Variants in ANKRD11 observed in about 807,000 individuals in gnomAD.
The protein encoded by ANKRD11 is ankyrin repeat domain-containing protein 11.
A neutral mutation model predicts 195.7 loss-of-function variants in ANKRD11; 17 were observed. The ratio of observed to expected loss-of-function variants is 0.09; its 90% CI spans 0.06 to 0.13. The LOEUF (loss-of-function observed/expected upper bound fraction) is 0.13, where lower values mean the gene tolerates loss of function less well. Among genes scored for constraint, ANKRD11 ranks in the 10% least tolerant of loss-of-function variants. ANKRD11 has a pLI of 1.00. For synonymous variants in ANKRD11, 1,953 were observed against 1,528.1 expected, an observed-to-expected ratio of 1.28 and a Z score of -6.49; for missense variants, 3,735 against 3,566.1, an observed-to-expected ratio of 1.05 and a Z score of -1.21.
At chr16:89,426,448 G>A (rs1445634983) in intron 1 of ANKRD11, among the ~76,000 whole-genome samples, 2 of 151,584 alleles carry the variant, frequency 1.3e-5, no homozygotes, top group Non-Finnish European at 2.9e-5. Context: ...AGCTCCCTGA[G>A]CAACAAACAC....
At position 89,332,133 on chromosome 16, in the gene ANKRD11, A is replaced by G. The variant is rs148644739; in HGVS notation, c.-59-15055T>C. On this transcript the variant is annotated intron_variant, in intron 2 of 12. Transcript: ENST00000301030. Reference sequence around the variant, plus strand: ...CAAGATTCCATCTCCATATTAAAAAAAAAAGATAATAATCTTAAAAGACAC... The same window carrying G: ...CAAGATTCCATCTCCATATTAAAAAGAAAAGATAATAATCTTAAAAGACAC... 7.7e-3 allele frequency among the ~76,000 whole-genome samples: 1,174 copies of G among 152,336 alleles called. 63 individuals carry two copies. The highest frequency in any genetic ancestry group is 0.069 in the Admixed American group (1,051 of 15,302).
Position 89,280,232 on chromosome 16 carries a change from C to T in ANKRD11, c.6310G>A (p.Asp2104Asn). 6.2e-7 allele frequency: 1 copy of T among 1,608,336 alleles called. No homozygotes were observed. The highest frequency in any genetic ancestry group is 8.5e-7 in the Non-Finnish European group (1 of 1,179,446). ...AGGTGAGACAGGCCGCGGCTGCCGT[C>T]CAGGAAGCTATTTTCCAGGGGCCCC... ...ALGPLENSFLDGSRGLSHLGQ... is the reference protein window; with the variant it reads ...ALGPLENSFLNGSRGLSHLGQ... The change falls in exon 9 of 13, where the codon GAC (aspartate) becomes AAC (asparagine). Residue 2104 changes from aspartate (D) to asparagine (N), a missense_variant. Coordinates refer to ENST00000301030, the MANE Select transcript of ANKRD11 (RefSeq NM_013275.6).
At chr16:89,290,571 AGGCTCAG>A in intron 6 of ANKRD11, 47 bp downstream of exon 6, 3 of 1,574,468 alleles carry the variant, frequency 1.9e-6, no homozygotes, top group Non-Finnish European at 2.6e-6. Flanking sequence ...CCACTGGGGG[AGGCTCAG>A]GGCTCCAGTG....
At chr16:89,424,994 T>C (rs1177330995) in intron 1 of ANKRD11, among the ~76,000 whole-genome samples, 5 of 151,932 alleles carry the variant, frequency 3.3e-5, no homozygotes, top group Non-Finnish European at 7.4e-5. Flanking sequence ...CTCCAATGTG[T>C]TACCATTCGA....
At chr16:89,460,130 C>A (rs1214690592) in intron 1 of ANKRD11, among the ~76,000 whole-genome samples, 1 of 151,656 alleles carries the variant, frequency 6.6e-6, no homozygotes, top group African/African-American at 2.4e-5. Context: ...CCCAGCTACT[C>A]GGGAGGCTGA....
intron 2 of ANKRD11, among the ~76,000 whole-genome samples, chr16:89,317,299 G>A (rs561582450): frequency 6.6e-6 from 1 of 152,366 alleles, no homozygotes; most frequent in Admixed American, 6.5e-5. Context: ...AAGGAGAACA[G>A]AGAAGGGTCA....
chr16:89,283,274 C>A lies in ANKRD11; in HGVS notation c.3268G>T (p.Ala1090Ser), dbSNP rs1210898439. 6.2e-7 allele frequency: 1 copy of A among 1,614,016 alleles called. No individual in the cohort carries two copies. Residue 1090 changes from alanine to serine, a missense_variant, in exon 9 of 13, where the codon GCT (alanine) becomes TCT (serine). By Grantham distance (99) the Ala-to-Ser change is moderately conservative (BLOSUM62 1). Transcript: ENST00000301030. The surrounding 1 kb of genome is among the most constrained non-coding windows in gnomAD (Gnocchi z 4.3). Reference sequence around the variant, plus strand: ...TCTTCTGAGATGATCCCAGGGAAAGCCTTCTCCTTCTTCTCTTTCCCTTGG... The same window carrying A: ...TCTTCTGAGATGATCCCAGGGAAAGACTTCTCCTTCTTCTCTTTCCCTTGG... Reference protein sequence around the residue: ...LDQGKEKKEKAFPGIISEDFS... With the variant: ...LDQGKEKKEKSFPGIISEDFS...
At chr16:89,388,256 G>C (rs550045719) in intron 2 of ANKRD11, among the ~76,000 whole-genome samples, 1 of 150,730 alleles carries the variant, frequency 6.6e-6, no homozygotes, top group Non-Finnish European at 1.5e-5. Flanking sequence ...GGGCCCACGC[G>C]GGTGGTGCCG....
chr16:89,297,636 A>C (rs2035530285), intron 4 of ANKRD11: 1 of 152,238 alleles, frequency 6.6e-6, no homozygotes, highest in African/African-American at 2.4e-5. Flanking sequence ...ACGAGGGCGC[A>C]ACCATATTCC....
intron 1 of ANKRD11, among the ~76,000 whole-genome samples, chr16:89,464,073 T>G (rs1037948334): frequency 3.9e-5 from 6 of 151,980 alleles, no homozygotes; most frequent in African/African-American, 1.4e-4. Context: ...ACCCCGTCTC[T>G]ACTAAAAATA....
chr16:89,300,069 G>C, intron 4 of ANKRD11: 1 of 200,374 alleles, frequency 5.0e-6, no homozygotes. Flanking sequence ...GCCCTGTGTG[G>C]GGTGCGTGGG....
At chr16:89,423,504 T>C (rs532949488) in intron 1 of ANKRD11, among the ~76,000 whole-genome samples, 2 of 152,198 alleles carry the variant, frequency 1.3e-5, no homozygotes, top group African/African-American at 2.4e-5. Flanking sequence ...TCTTGACAAA[T>C]ACTTTTTCAG....
chr16:89,269,154 T>C (rs754140907), intron 12 of ANKRD11, among the ~76,000 whole-genome samples: 22 of 152,180 alleles, frequency 1.4e-4, no homozygotes, highest in Non-Finnish European at 2.2e-4. Flanking sequence ...AGTACTGGTA[T>C]GTCACAAGCA....
chr16:89,442,258 T>C (rs759530262), intron 1 of ANKRD11, among the ~76,000 whole-genome samples: 4 of 152,180 alleles, frequency 2.6e-5, no homozygotes, highest in Non-Finnish European at 4.4e-5. Context: ...TACGCTTTCC[T>C]CACTAAGGAT....
chr16:89,449,423 C>A (rs2043960245), intron 1 of ANKRD11, among the ~76,000 whole-genome samples: 2 of 152,016 alleles, frequency 1.3e-5, no homozygotes, highest in African/African-American at 4.8e-5. Context: ...CAAATTTAAA[C>A]CAGGATCTCT....
chr16:89,376,281 A>G (rs1395421763), intron 2 of ANKRD11, among the ~76,000 whole-genome samples: 5 of 152,206 alleles, frequency 3.3e-5, no homozygotes, highest in African/African-American at 1.2e-4. Flanking sequence ...GGAGAAGTGG[A>G]TGCCAGCAAA....
chr16:89,407,852 CAAAAAA>C (rs60723753), intron 2 of ANKRD11, among the ~76,000 whole-genome samples: 8 of 111,430 alleles, frequency 7.2e-5, no homozygotes, highest in African/African-American at 6.6e-5. Flanking sequence ...TGTCTCCCTC[CAAAAAA>C]AAAAAAAAAA....
At chr16:89,389,501 A>T (rs2041076124) in intron 2 of ANKRD11, among the ~76,000 whole-genome samples, 1 of 152,230 alleles carries the variant, frequency 6.6e-6, no homozygotes, top group Non-Finnish European at 1.5e-5. Flanking sequence ...CGTGTAACTC[A>T]GTTCCTCCCC....
At chr16:89,341,440 C>A (rs1191839162) in intron 2 of ANKRD11, among the ~76,000 whole-genome samples, 1 of 152,216 alleles carries the variant, frequency 6.6e-6, no homozygotes, top group Non-Finnish European at 1.5e-5. Context: ...AGCAGCTTCC[C>A]AGCCTTCCAG....
Sources: allele counts gnomAD v4.1 joint callset (sites outside exome capture counted in the v4.1 genomes callset), GRCh38; gene constraint gnomAD v4.1.1; non-coding constraint Gnocchi (gnomAD v3.1); transcripts MANE v1.5; gene names NCBI Gene and HGNC (gene_info 2026-07-23, HGNC 2026-07-21).